The following FASN variants were observed in gnomAD, a reference collection of about 807,000 sequenced individuals.
FASN encodes fatty acid synthase, also known as 3-hydroxyacyl-[acyl-carrier-protein] dehydratase.
In FASN, 50 loss-of-function variants were observed where a neutral mutation model predicts 250.0. The ratio of observed to expected loss-of-function variants is 0.20; its 90% CI spans 0.16 to 0.25. FASN has a LOEUF of 0.25. Among genes scored for constraint, FASN ranks in the 10% least tolerant of loss-of-function variants. The pLI is 1.00. For synonymous variants in FASN, 1,909 were observed against 1,584.0 expected (o/e 1.21, Z -4.87); for missense variants, 3,031 against 3,498.5 (o/e 0.87, Z 3.37).
chr17:82,082,517 C>T lies in FASN; in HGVS notation c.5919+10G>A, dbSNP rs1598574077. The T allele has an allele frequency of 2.5e-6, 4 of 1,608,904 alleles. No individual in the cohort carries two copies. In the East Asian group the frequency reaches 6.7e-5, roughly 27 times the overall value. ...GGCTTTTGAGGGCCCCATTTGGGGC[C>T]TTCCCTCACCACGGCCAGGTTGAAG... On this transcript the variant is annotated intron_variant, in intron 34 of 42. Coordinates refer to ENST00000306749, the MANE Select transcript of FASN (RefSeq NM_004104.5).
rs141405070 is a variant in FASN at position 82,083,601 on chromosome 17, G to A, written c.5257C>T (p.Leu1753=). 1.6e-5 allele frequency: 26 copies of A among 1,611,270 alleles called. No individual in the cohort carries two copies. Among genetic ancestry groups the A allele is most frequent in the East Asian group, 2.2e-5 (1 of 44,820 alleles). Residue 1753 remains leucine, a synonymous_variant, in exon 31 of 43, where the codon CTG becomes TTG. Transcript: ENST00000306749. ...LVLNSLAEEK[L]QASVRCLATH... ...GCCAAGCACCTCACGCTGGCCTGCA[G>A]CTTCTCTTCCGCCAAGGAGTTCAAG...
At chr17:82,084,764 C>T (rs1247634208) in intron 26 of FASN, 35 bp downstream of exon 26, 2 of 1,549,974 alleles carry the variant, frequency 1.3e-6, no homozygotes, top group East Asian at 4.9e-5. Context: ...CGGGTGCAGT[C>T]TCCCGGGAGG....
In FASN at chr17:82,078,509, T is replaced by G; in HGVS notation, c.*634A>C. ...AACAAACACAGACAAACACCAAACA[T>G]GGAGTTGGTGCCCGGCGCCGGGCAT... On this transcript the variant is annotated 3_prime_UTR_variant, in exon 43 of 43. Transcript: ENST00000306749. The surrounding 1 kb of genome is among the most constrained non-coding windows in gnomAD (Gnocchi z 5.4). 6.5e-6 allele frequency: 1 copy of G among 153,482 alleles called. No individual in the cohort carries two copies. The highest frequency in any genetic ancestry group is 1.4e-5 in the Non-Finnish European group (1 of 69,306). 9.5% of individuals were successfully genotyped at this position (153,482 alleles called of 1,614,324 possible). A position where few individuals can be genotyped will look rare whatever the true frequency, so the allele number is the denominator to read the frequency against.
chr17:82,091,746 G>A (rs2144804326), intron 8 of FASN, 62 bp from the exon 9 acceptor site: 3 of 1,420,446 alleles, frequency 2.1e-6, no homozygotes, highest in South Asian at 2.7e-5. Flanking sequence ...CTGAGCTGGG[G>A]GCAGGCACCT....
chr17:82,090,162 A>G (rs1227327335), intron 11 of FASN, among the ~76,000 whole-genome samples: 2 of 152,184 alleles, frequency 1.3e-5, no homozygotes, highest in African/African-American at 4.8e-5. Flanking sequence ...CCTGATGCCC[A>G]TGGACACGTG....
At chr17:82,085,955 A>C in intron 22 of FASN, 84 bp from the exon 23 acceptor site, 3 of 1,419,286 alleles carry the variant, frequency 2.1e-6, no homozygotes, top group Non-Finnish European at 2.8e-6. Flanking sequence ...ATGAGGCCTC[A>C]GTCTGGCAGA....
rs1209132909 is a variant in FASN at position 82,082,899 on chromosome 17, C to A, written c.5767+15G>T. 7 of 1,612,262 alleles carry A rather than the reference C, an allele frequency of 4.3e-6. No homozygotes were observed. Among genetic ancestry groups the A allele is most frequent in the African/African-American group, 1.3e-5 (1 of 74,880 alleles). The stretch of plus-strand genomic sequence containing the variant: ...CCTGGCCCAGGCTGGTCCACAAGCA[C>A]CCCTGCCGACTCACCTGTCCGGATC... On this transcript the variant is annotated intron_variant, in intron 33 of 42. Coordinates refer to ENST00000306749, the MANE Select transcript of FASN (RefSeq NM_004104.5).
Position 82,087,253 on chromosome 17 carries a change from A to T in FASN, c.3224T>A (p.Val1075Glu). 6 of 1,605,144 alleles carry T rather than the reference A, an allele frequency of 3.7e-6. No individual in the cohort carries two copies. Among genetic ancestry groups the T allele is most frequent in the Non-Finnish European group, 5.1e-6 (6 of 1,177,216 alleles). The stretch of plus-strand genomic sequence containing the variant: ...CCACCTGCTCACCACCACGTCAGCC[A>T]CTGTGGGGACAGGCTGGGTGAGTGC... ...KLYTLQDKAQ[V>E]ADVVVSRWLR... The change falls in exon 21 of 43, where the codon GTG becomes GAG. Residue 1075 changes from valine (V) to glutamate (E), a missense_variant and splice_region_variant. Physicochemically the swap from Val to Glu is moderately radical, Grantham distance 121. Transcript: ENST00000306749.
In FASN at chr17:82,085,630, G is replaced by A. The variant is rs150915750; in HGVS notation, c.3974C>T (p.Pro1325Leu). The A allele has an allele frequency of 1.7e-3, 2,781 of 1,596,154 alleles. 9 individuals carry two copies. The highest frequency in any genetic ancestry group is 1.9e-3 in the Non-Finnish European group (2,266 of 1,172,246). The change falls in exon 23 of 43, where the codon CCG becomes CTG. Residue 1325 changes from proline (P) to leucine (L), a missense_variant. Transcript: ENST00000306749. ...CACCATGTTGCTGAGAGCTGAGGCC[G>A]GGTCCCCGAGGGCAGCCACAGCACA... ...CNCAVAALGD[P>L]ASALSNMVAA...
In FASN at chr17:82,087,465, C is replaced by T; in HGVS notation, c.3083G>A (p.Ser1028Asn). The T allele has an allele frequency of 1.2e-6, 2 of 1,612,696 alleles. No individual in the cohort carries two copies. The highest frequency in any genetic ancestry group is 8.5e-7 in the Non-Finnish European group (1 of 1,180,012). Residue 1028 changes from serine (S) to asparagine (N), a missense_variant, in exon 20 of 43, where the codon AGC (serine) becomes AAC (asparagine). Physicochemically the swap from Ser to Asn is conservative, Grantham distance 46 (BLOSUM62 1). Transcript: ENST00000306749. ...GRLLWKDNWV[S>N]FMDTMLQMSI... is the part of the protein sequence containing the mutation. Reference sequence around the variant, plus strand: ...CATCTGCAGCATGGTGTCCATGAAGCTCACCCAGTTATCCTTCCACAGCAG... The same window carrying T: ...CATCTGCAGCATGGTGTCCATGAAGTTCACCCAGTTATCCTTCCACAGCAG...
In FASN at chr17:82,085,530, G is replaced by A. The variant is rs2034080218; in HGVS notation, c.4074C>T (p.Ala1358=). The A allele has an allele frequency of 4.4e-6, 7 of 1,596,470 alleles. No individual in the cohort carries two copies. The highest frequency in any genetic ancestry group is 3.3e-4 in the Middle Eastern group (2 of 6,036). Residue 1358 remains alanine, a synonymous_variant, in exon 23 of 43, where the codon GCC becomes GCT. Transcript: ENST00000306749. ...ACTGCGGCTCAGTGGAGGTGAGGAAGGCCACGATGTCCCCGAGGGGGTGCC... is the reference window on the plus strand; with the variant it reads ...ACTGCGGCTCAGTGGAGGTGAGGAAAGCCACGATGTCCCCGAGGGGGTGCC... The part of the protein sequence containing the change: ...LRGHPLGDIV[A]FLTSTEPQYG...
chr17:82,082,625 C>A lies in FASN; in HGVS notation c.5821G>T (p.Val1941Leu), dbSNP rs1291959263. Reference protein sequence around the residue: ...RWRRQGVQVQVSTSNISSLEG... With the variant: ...RWRRQGVQVQLSTSNISSLEG... ...AGTGAGCTGATGTTGCTGGTGGACA[C>A]CTGCACCTGTACGCCCTGGCGCCTC... The change falls in exon 34 of 43, where the codon GTG becomes TTG. Residue 1941 changes from valine to leucine, a missense_variant. Val to Leu is a conservative substitution (Grantham distance 32). Coordinates refer to ENST00000306749, the MANE Select transcript of FASN (RefSeq NM_004104.5). 6.2e-7 allele frequency: 1 copy of A among 1,610,892 alleles called. No individual in the cohort carries two copies.
At position 82,091,491 on chromosome 17, in the gene FASN, G is replaced by A. The variant is rs756490191; in HGVS notation, c.1223C>T (p.Thr408Met). Residue 408 changes from threonine (T) to methionine (M), a missense_variant, in exon 9 of 43, where the codon ACG becomes ATG. By Grantham distance (81) the Thr-to-Met change is moderately conservative. Coordinates refer to ENST00000306749, the MANE Select transcript of FASN (RefSeq NM_004104.5). ...TGGGGCGGGTGCGGGGGGCGGCTGC[G>A]TGTTGGGCCTCAGGATGATGTGCAC... ...SNVHIILRPN[T>M]QPPPAPAPHA... The A allele has an allele frequency of 1.4e-5, 23 of 1,605,018 alleles. No homozygotes were observed. Among genetic ancestry groups the A allele is most frequent in the South Asian group, 8.9e-5 (8 of 90,148 alleles).
Position 82,087,863 on chromosome 17 carries a change from T to C in FASN, c.2867-2A>G, listed in dbSNP as rs779917600. 1 of 1,612,526 alleles carries C rather than the reference T, an allele frequency of 6.2e-7. No individual in the cohort carries two copies. The highest frequency in any genetic ancestry group is 1.1e-5 in the South Asian group (1 of 91,090). On this transcript the variant is annotated splice_acceptor_variant, in intron 18 of 42. Transcript: ENST00000306749. LOFTEE classifies it high-confidence loss of function. ...GGTCATCCCACTGGTACACCTTCCC[T>C]GTGGAAAGGGAGGTGCGGAAGGGCC...
chr17:82,084,558 C>A lies in FASN; in HGVS notation c.4723G>T (p.Asp1575Tyr). 6.2e-7 allele frequency: 1 copy of A among 1,611,742 alleles called. No homozygotes were observed. Among genetic ancestry groups the A allele is most frequent in the South Asian group, 1.1e-5 (1 of 90,792 alleles). ...AGCTTGCCAGTGGCCAGCATGATGT[C>A]GCGGAAGTTGAGGGAGGCGTAGTAG... ...TVYYASLNFRDIMLATGKLSP... is the reference protein window; with the variant it reads ...TVYYASLNFRYIMLATGKLSP... Residue 1575 changes from aspartate (D) to tyrosine (Y), a missense_variant, in exon 27 of 43, where the codon GAC (aspartate) becomes TAC (tyrosine). By Grantham distance (160) the Asp-to-Tyr change is radical. Transcript: ENST00000306749.
chr17:82,092,412 G>A (rs1318172071), intron 8 of FASN, 43 bp downstream of exon 8: 1 of 1,546,560 alleles, frequency 6.5e-7, no homozygotes. Context: ...CCCAGTCCCA[G>A]GGAGCAGGAG....
At chr17:82,081,046 G>C in intron 38 of FASN, 118 bp downstream of exon 38, 2 of 1,397,352 alleles carry the variant, frequency 1.4e-6, no homozygotes, top group Non-Finnish European at 2.0e-6. Context: ...GGGTGGGAAC[G>C]CTCAGAATGG....
At chr17:82,096,528 A>G in intron 1 of FASN, 76 bp from the exon 2 acceptor site, 1 of 1,594,570 alleles carries the variant, frequency 6.3e-7, no homozygotes, top group Non-Finnish European at 8.5e-7. Flanking sequence ...CACCCAGAAC[A>G]GGTGGACACC....
chr17:82,086,448 G>A lies in FASN; in HGVS notation c.3538C>T (p.Arg1180Trp), dbSNP rs772735121. 2.1e-5 allele frequency: 34 copies of A among 1,612,060 alleles called. No homozygotes were observed. The highest frequency in any genetic ancestry group is 8.3e-5 in the Admixed American group (5 of 60,002). Residue 1180 changes from arginine (R) to tryptophan (W), a missense_variant, in exon 22 of 43, where the codon CGG (arginine) becomes TGG (tryptophan). By Grantham distance (101) the Arg-to-Trp change is moderately radical (BLOSUM62 -3). Transcript: ENST00000306749. ...PRDPSQQELP[R>W]LLSAACRLQL... ...AGCCTGCAGGCAGCCGACAACAGCC[G>A]GGGCAGTTCCTGCTGTGAGGGGTCC...
Sources: gnomAD v4.1 joint callset for allele counts (sites outside exome capture counted in the v4.1 genomes callset) on GRCh38, gnomAD v4.1.1 for gene constraint, Gnocchi (gnomAD v3.1) non-coding constraint, MANE v1.5 for transcripts, NCBI Gene and HGNC (gene_info 2026-07-23, HGNC 2026-07-21) for gene names.